The following NKAIN2 variants were observed in gnomAD, a reference collection of about 807,000 sequenced individuals.
NKAIN2 encodes sodium/potassium transporting ATPase interacting 2.
In NKAIN2, 14 loss-of-function variants were observed where a neutral mutation model predicts 32.6. The observed-to-expected ratio is 0.43, with a 90% confidence interval of 0.28 to 0.67. The LOEUF is 0.67. NKAIN2 is among the 30% of genes least tolerant of loss of function. NKAIN2 has a pLI of 0.17. For missense variants in NKAIN2, 198 were observed against 258.3 expected (o/e 0.77, Z 1.60); for synonymous variants, 80 against 87.2 (o/e 0.92, Z 0.46).
chr6:124,450,047 A>G (rs889677026), intron 3 of NKAIN2, among the ~76,000 whole-genome samples: 1 of 152,116 alleles, frequency 6.6e-6, no homozygotes, highest in Non-Finnish European at 1.5e-5. Flanking sequence ...TTTAGCTTGC[A>G]AAGCTAAATA....
chr6:124,359,772 C>T (rs531582604), intron 3 of NKAIN2, among the ~76,000 whole-genome samples: 2 of 152,250 alleles, frequency 1.3e-5, no homozygotes, highest in South Asian at 4.1e-4. Flanking sequence ...ATTTGCTTCT[C>T]CTGCCTGATT....
intron 3 of NKAIN2, among the ~76,000 whole-genome samples, chr6:124,412,227 G>A (rs563766227): frequency 6.6e-6 from 1 of 152,150 alleles, no homozygotes; most frequent in Non-Finnish European, 1.5e-5. Context: ...GTGAGGAGCT[G>A]TTCTTTTGGA....
chr6:124,038,542 GT>G, intron 1 of NKAIN2, among the ~76,000 whole-genome samples: 1 of 152,110 alleles, frequency 6.6e-6, no homozygotes, highest in East Asian at 1.9e-4. Flanking sequence ...TCACTTGATT[GT>G]TGATTATTGT....
chr6:124,447,306 G>T (rs890129062), intron 3 of NKAIN2, among the ~76,000 whole-genome samples: 10 of 152,002 alleles, frequency 6.6e-5, no homozygotes, highest in African/African-American at 2.4e-4. Context: ...GCTAGTGCCT[G>T]GTAGTCAGTA....
intron 1 of NKAIN2, among the ~76,000 whole-genome samples, chr6:124,031,910 C>A (rs1485462766): frequency 6.6e-6 from 1 of 152,050 alleles, no homozygotes; most frequent in Non-Finnish European, 1.5e-5. Flanking sequence ...AATCCCATTA[C>A]CGGGTATATA....
chr6:124,723,754 T>C (rs945637901), intron 4 of NKAIN2, among the ~76,000 whole-genome samples: 2 of 152,248 alleles, frequency 1.3e-5, no homozygotes, highest in Non-Finnish European at 2.9e-5. Flanking sequence ...CTTTAGCTTA[T>C]GCCAAAGAAT....
At chr6:124,073,028 A>G (rs910383185) in intron 1 of NKAIN2, among the ~76,000 whole-genome samples, 2 of 152,186 alleles carry the variant, frequency 1.3e-5, no homozygotes, top group Non-Finnish European at 2.9e-5. Context: ...ATTTGCTTGC[A>G]GGTAGATGAT....
intron 1 of NKAIN2, among the ~76,000 whole-genome samples, chr6:124,056,642 ACACGTTGC>A (rs1352192682): frequency 2.0e-5 from 3 of 152,068 alleles, no homozygotes; most frequent in African/African-American, 7.2e-5. Context: ...ATTAATGGCT[ACACGTTGC>A]CACTTTAAAT....
intron 2 of NKAIN2, among the ~76,000 whole-genome samples, chr6:124,332,710 A>G (rs1797713974): frequency 6.6e-6 from 1 of 152,224 alleles, no homozygotes; most frequent in Non-Finnish European, 1.5e-5. Context: ...ATTATTTCCA[A>G]TAAAAATGAT....
intron 2 of NKAIN2, among the ~76,000 whole-genome samples, chr6:124,285,270 A>T (rs1795485346): frequency 6.6e-6 from 1 of 152,134 alleles, no homozygotes; most frequent in African/African-American, 2.4e-5. Context: ...TTAGAAATAT[A>T]TCCTCTAAAT....
chr6:124,151,571 T>G (rs1450254368), intron 1 of NKAIN2, among the ~76,000 whole-genome samples: 3 of 151,964 alleles, frequency 2.0e-5, no homozygotes, highest in Admixed American at 6.6e-5. Flanking sequence ...TCACAGAGAG[T>G]GCATATTTTT....
At chr6:124,743,863 A>C (rs1253397659) in intron 4 of NKAIN2, among the ~76,000 whole-genome samples, 2 of 151,852 alleles carry the variant, frequency 1.3e-5, no homozygotes, top group African/African-American at 4.8e-5. Flanking sequence ...AGATTCACTA[A>C]ATTTATTGAT....
chr6:124,144,559 G>T (rs1787296874), intron 1 of NKAIN2, among the ~76,000 whole-genome samples: 1 of 151,952 alleles, frequency 6.6e-6, no homozygotes, highest in Non-Finnish European at 1.5e-5. Context: ...TTAATAAATG[G>T]TGCTGGAACA....
chr6:123,923,946 AT>A (rs1415967501), intron 1 of NKAIN2, among the ~76,000 whole-genome samples: 15 of 140,368 alleles, frequency 1.1e-4, no homozygotes, highest in East Asian at 2.0e-4. Context: ...TATAATAATA[AT>A]AAAAATAAAA....
chr6:124,787,736 A>G (rs1289060972), intron 4 of NKAIN2, among the ~76,000 whole-genome samples: 1 of 152,120 alleles, frequency 6.6e-6, no homozygotes, highest in African/African-American at 2.4e-5. Context: ...CTCATTGTGT[A>G]GAAAAATGGC....
chr6:124,706,668 TG>T (rs1215844979), intron 4 of NKAIN2, among the ~76,000 whole-genome samples: 3 of 152,102 alleles, frequency 2.0e-5, no homozygotes, highest in Non-Finnish European at 4.4e-5. Flanking sequence ...TATAAATAAG[TG>T]GTCAAAGAGC....
chr6:124,445,618 A>C (rs908986251), intron 3 of NKAIN2, among the ~76,000 whole-genome samples: 22 of 152,234 alleles, frequency 1.4e-4, no homozygotes, highest in African/African-American at 9.6e-5. Context: ...ATGTAACAAC[A>C]CTTTGTTTGT....
At position 124,340,318 on chromosome 6, in the gene NKAIN2, C is replaced by G. The variant is rs79224720; in HGVS notation, c.193-14949C>G. Among the ~76,000 whole-genome samples, 1,464 of 152,160 alleles carry G rather than the reference C, an allele frequency of 9.6e-3. 15 individuals are homozygous for G. Among genetic ancestry groups the G allele is most frequent in the Non-Finnish European group, 0.015 (1,036 of 67,992 alleles). ...AAGCCTTGTTATAAGGACAAATATA[C>G]ATGAACAAAAATCACTATATGATTA... On this transcript the variant is annotated intron_variant, in intron 2 of 6. Coordinates refer to ENST00000368417, the MANE Select transcript of NKAIN2 (RefSeq NM_001040214.3).
chr6:124,581,300 G>A (rs1017437831), intron 3 of NKAIN2, among the ~76,000 whole-genome samples: 1 of 151,588 alleles, frequency 6.6e-6, no homozygotes, highest in African/African-American at 2.4e-5. Context: ...TTAGCCAGGC[G>A]CGGTGGCGGG....
Sources: gnomAD v4.1 joint callset for allele counts (sites outside exome capture counted in the v4.1 genomes callset) on GRCh38, gnomAD v4.1.1 for gene constraint, MANE v1.5 for transcripts, NCBI Gene and HGNC (gene_info 2026-07-23, HGNC 2026-07-21) for gene names.